The following AAGAB variants were observed in gnomAD, a reference collection of about 807,000 sequenced individuals.
AAGAB encodes alpha- and gamma-adaptin-binding protein p34.
AAGAB carries 38 observed loss-of-function variants against 44.1 expected under a neutral mutation model. The observed-to-expected ratio is 0.86, with a 90% CI of 0.67 to 1.13. The LOEUF (loss-of-function observed/expected upper bound fraction) is 1.13. Ranked by LOEUF, AAGAB falls within the 50% of genes most tolerant of loss-of-function variation. The pLI, the probability that AAGAB is intolerant of heterozygous loss-of-function variation, is 0.00. For missense variants in AAGAB, 450 were observed against 373.8 expected (o/e 1.20, Z -1.68); for synonymous variants, 131 against 131.8 (o/e 0.99, Z 0.04).
chr15:67,232,395 A>T (rs940215126), intron 4 of AAGAB: 1 of 197,026 alleles, frequency 5.1e-6, no homozygotes, highest in African/African-American at 2.4e-5. Context: ...CAATAAGAAT[A>T]TTCTAGAGAA....
chr15:67,225,209 G>C (rs998402253), intron 5 of AAGAB, among the ~76,000 whole-genome samples: 8 of 152,134 alleles, frequency 5.3e-5, no homozygotes, highest in African/African-American at 1.9e-4. Context: ...ATATGACCTT[G>C]GGCAAATTAC....
At position 67,201,065 on chromosome 15, in the gene AAGAB, T is replaced by C. The variant is rs1963559146; in HGVS notation, c.*1756A>G. 1 of 152,360 alleles carries C rather than the reference T, an allele frequency of 6.6e-6. No homozygotes were observed. Among genetic ancestry groups the C allele is most frequent in the East Asian group, 1.9e-4 (1 of 5,346 alleles). 9.4% of individuals were successfully genotyped at this position (152,360 alleles called of 1,614,324 possible). On this transcript the variant is annotated 3_prime_UTR_variant, in exon 10 of 10. Coordinates refer to ENST00000261880, the MANE Select transcript of AAGAB (RefSeq NM_024666.5). The stretch of plus-strand genomic sequence containing the variant: ...TCACATTTTAATCATCTGGCTTTGT[T>C]TAATCTACAAAATCAAATTCACAGC...
At chr15:67,240,227 T>C (rs777552607) in intron 1 of AAGAB, among the ~76,000 whole-genome samples, 11 of 152,250 alleles carry the variant, frequency 7.2e-5, no homozygotes, top group Non-Finnish European at 1.2e-4. Context: ...GGTATTTATA[T>C]GTCAAAGATG....
At chr15:67,237,629 T>A (rs1964502105) in intron 1 of AAGAB, among the ~76,000 whole-genome samples, 1 of 152,186 alleles carries the variant, frequency 6.6e-6, no homozygotes, top group South Asian at 2.1e-4. Flanking sequence ...TGTTATACAG[T>A]ATTTACAACT....
intron 1 of AAGAB, 89 bp from the exon 2 acceptor site, chr15:67,236,909 A>G: frequency 9.5e-7 from 1 of 1,054,352 alleles, no homozygotes; most frequent in South Asian, 1.8e-5. Flanking sequence ...TAAAGCTGGT[A>G]CTTTTGCTGT....
chr15:67,214,437 T>C (rs1026229246), intron 5 of AAGAB, among the ~76,000 whole-genome samples: 11 of 152,190 alleles, frequency 7.2e-5, no homozygotes, highest in African/African-American at 2.4e-4. Flanking sequence ...CTCAGTATTA[T>C]TGACATTTCC....
chr15:67,251,844 T>C (rs561152485), intron 1 of AAGAB, among the ~76,000 whole-genome samples: 44 of 152,314 alleles, frequency 2.9e-4, no homozygotes, highest in African/African-American at 9.4e-4. Context: ...CAGCTTTAAT[T>C]ATAGTCAAAG....
chr15:67,244,899 AAAGAT>A (rs1435164918), intron 1 of AAGAB, among the ~76,000 whole-genome samples: 8 of 152,328 alleles, frequency 5.3e-5, no homozygotes, highest in African/African-American at 1.9e-4. Flanking sequence ...ATGAACATGA[AAAGAT>A]ACTCAACATC....
intron 1 of AAGAB, among the ~76,000 whole-genome samples, chr15:67,237,478 T>C (rs544596454): frequency 1.3e-5 from 2 of 152,318 alleles, no homozygotes; most frequent in Admixed American, 6.5e-5. Flanking sequence ...ACTATAAATG[T>C]TTTAGATTAT....
At chr15:67,208,083 C>T (rs1963725586) in intron 7 of AAGAB, among the ~76,000 whole-genome samples, 2 of 152,312 alleles carry the variant, frequency 1.3e-5, no homozygotes, top group Non-Finnish European at 2.9e-5. Flanking sequence ...CCAGCTTCAG[C>T]TCCAGGCCCT....
At chr15:67,254,279 G>A in intron 1 of AAGAB, 2 of 686,180 alleles carry the variant, frequency 2.9e-6, no homozygotes, top group Non-Finnish European at 4.2e-6. Context: ...TCATCTCAAC[G>A]GATCCTCGCA....
In AAGAB at chr15:67,236,660, T is replaced by C. The variant is rs1429586205; in HGVS notation, c.234A>G (p.Gln78=). ...LVTAEIAESV[Q]AFVVYFDSTQ... ...TGCTGTCAAAGTAAACCACAAATGC[T>C]TGGACAGATTCTGCAATCTCTGCAG... is the stretch of plus-strand genomic sequence containing the variant. Residue 78 remains glutamine (Q), a synonymous_variant, in exon 2 of 10, where the codon CAA becomes CAG. Coordinates refer to ENST00000261880, the MANE Select transcript of AAGAB (RefSeq NM_024666.5). The C allele has an allele frequency of 6.2e-7, 1 of 1,614,066 alleles. No individual in the cohort carries two copies. The highest frequency in any genetic ancestry group is 1.7e-5 in the Admixed American group (1 of 60,014).
intron 1 of AAGAB, among the ~76,000 whole-genome samples, chr15:67,246,077 C>T (rs955806140): frequency 6.6e-6 from 1 of 152,092 alleles, no homozygotes. Context: ...TATCATAAAG[C>T]CTCTTTAATA....
chr15:67,214,842 G>A (rs1266323357), intron 5 of AAGAB, among the ~76,000 whole-genome samples: 1 of 151,908 alleles, frequency 6.6e-6, no homozygotes, highest in Non-Finnish European at 1.5e-5. Context: ...GGGTTTCACC[G>A]TGTTAGCCAG....
chr15:67,237,804 G>A (rs1002509901), intron 1 of AAGAB, among the ~76,000 whole-genome samples: 1 of 152,044 alleles, frequency 6.6e-6, no homozygotes, highest in African/African-American at 2.4e-5. Flanking sequence ...CAAACTCCTC[G>A]TCAATGCATA....
Position 67,231,489 on chromosome 15 carries a change from GA to G in AAGAB, c.535+324del, listed in dbSNP as rs201697838. On this transcript the variant is annotated intron_variant, in intron 5 of 9. Transcript: ENST00000261880. Reference sequence around the variant, plus strand: ...TGCCTTGCATAGTTCCCTGGCATTTGAAAAGTACAGGCTTGAATTTCACAGC... The same window carrying G: ...TGCCTTGCATAGTTCCCTGGCATTTGAAAGTACAGGCTTGAATTTCACAGC... Among the ~76,000 whole-genome samples the G allele has an allele frequency of 1.4e-4, 22 of 152,270 alleles. No homozygotes were observed. The East Asian group carries it at 4.1e-3, about 28-fold the overall frequency.
At chr15:67,244,546 T>C (rs1964676009) in intron 1 of AAGAB, among the ~76,000 whole-genome samples, 1 of 152,146 alleles carries the variant, frequency 6.6e-6, no homozygotes, top group Non-Finnish European at 1.5e-5. Flanking sequence ...CTCATACCTG[T>C]AATCCCAGCA....
chr15:67,215,046 T>C (rs890369214), intron 5 of AAGAB, among the ~76,000 whole-genome samples: 1 of 151,956 alleles, frequency 6.6e-6, no homozygotes, highest in African/African-American at 2.4e-5. Flanking sequence ...AGTGAAAATA[T>C]CCTCCCTCAT....
rs188679917 is a variant in AAGAB, at chr15:67,211,435, G to C, written c.536-1891C>G. 1.3e-4 allele frequency among the ~76,000 whole-genome samples: 20 copies of C among 152,306 alleles called. No homozygotes were observed. In the South Asian group the frequency reaches 3.5e-3, roughly 27 times the overall value. The stretch of plus-strand genomic sequence containing the variant: ...GAGGCTCAGAGGCCCGAGAGAAGCA[G>C]ATCCATGCAGTGTCCTACGATGACA... On this transcript the variant is annotated intron_variant, in intron 5 of 9. Transcript: ENST00000261880.
Sources: gnomAD v4.1 joint callset for allele counts (sites outside exome capture counted in the v4.1 genomes callset) on GRCh38, gnomAD v4.1.1 for gene constraint, MANE v1.5 for transcripts, NCBI Gene and HGNC (gene_info 2026-07-23, HGNC 2026-07-21) for gene names.